The following ITGB5 variants were observed in gnomAD, a reference collection of about 807,000 sequenced individuals.
ITGB5 encodes the protein integrin subunit beta 5.
Under a neutral mutation model 84.8 loss-of-function variants are expected in ITGB5, and 38 were observed. That is an observed-to-expected ratio of 0.45 (90% CI 0.35 to 0.59). The LOEUF (loss-of-function observed/expected upper bound fraction) is 0.59. Among genes scored for constraint, ITGB5 ranks in the 20% least tolerant of loss-of-function variants. The pLI, the probability that ITGB5 is intolerant of heterozygous loss-of-function variation, is 0.01. For missense variants in ITGB5, 905 were observed against 1,034.5 expected, an observed-to-expected ratio of 0.87 and a Z score of 1.72; for synonymous variants, 393 against 414.4, an observed-to-expected ratio of 0.95 and a Z score of 0.63.
rs1003605072 is a variant in ITGB5, at chr3:124,819,715, T to C, written c.1038+24A>G. ...CCACCCACTTCACCCCACAAATCAC[T>C]AGCCTCCCTCCCTCCCAGCATACCT... On this transcript the variant is annotated intron_variant, in intron 7 of 14. Coordinates refer to ENST00000296181, the MANE Select transcript of ITGB5 (RefSeq NM_002213.5). 16 of 1,547,310 alleles carry C rather than the reference T, an allele frequency of 1.0e-5. No individual in the cohort carries two copies. The East Asian group carries it at 3.6e-4, about 35-fold the overall frequency.
chr3:124,766,075 AAG>A (rs1412215074), intron 13 of ITGB5, 149 bp downstream of exon 13: 31 of 791,734 alleles, frequency 3.9e-5, no homozygotes, highest in Admixed American at 1.9e-4. Flanking sequence ...AAAAAAAAAA[AAG>A]AAAAAGAAGA....
chr3:124,779,135 G>T (rs1184943030), intron 10 of ITGB5, among the ~76,000 whole-genome samples: 3 of 152,188 alleles, frequency 2.0e-5, no homozygotes, highest in Admixed American at 6.5e-5. Flanking sequence ...TGCCACTGGA[G>T]TTGACACTCT....
chr3:124,874,322 AAAAAG>A (rs1369546398), intron 1 of ITGB5, among the ~76,000 whole-genome samples: 5 of 151,340 alleles, frequency 3.3e-5, no homozygotes, highest in Non-Finnish European at 7.4e-5. Flanking sequence ...AAAAAAAAAA[AAAAAG>A]AAAGAAAGAA....
At position 124,768,920 on chromosome 3, in the gene ITGB5, C is replaced by G. The variant is rs531944283; in HGVS notation, c.2017+93G>C. Reference sequence around the variant, plus strand: ...GGAGCCCACAGTTATGCCCAGGAAGCCTGGGCAGTGCCTCCTGACTCAAGG... The same window carrying G: ...GGAGCCCACAGTTATGCCCAGGAAGGCTGGGCAGTGCCTCCTGACTCAAGG... On this transcript the variant is annotated intron_variant, in intron 12 of 14. Transcript: ENST00000296181. 6 of 917,122 alleles carry G rather than the reference C, an allele frequency of 6.5e-6. No individual in the cohort carries two copies. The East Asian group carries it at 1.5e-4, about 22-fold the overall frequency. The allele number at this position is 917,122 out of a possible 1,614,324, so 56.8% of individuals were successfully genotyped here.
chr3:124,798,899 A>G (rs1028106802), intron 9 of ITGB5, among the ~76,000 whole-genome samples: 3 of 152,310 alleles, frequency 2.0e-5, no homozygotes, highest in South Asian at 2.1e-4. Context: ...ATCCTGCTCT[A>G]TAAGTCCTGC....
chr3:124,810,469 T>G (rs931213342), intron 8 of ITGB5, among the ~76,000 whole-genome samples: 1 of 152,134 alleles, frequency 6.6e-6, no homozygotes, highest in African/African-American at 2.4e-5. Context: ...ATTGTCCTTG[T>G]GACACATGCC....
At chr3:124,851,470 T>A (rs1416427889) in intron 3 of ITGB5, among the ~76,000 whole-genome samples, 1 of 152,120 alleles carries the variant, frequency 6.6e-6, no homozygotes, top group Admixed American at 6.5e-5. Context: ...CATACAAATT[T>A]AACCCTAAAT....
At chr3:124,856,459 T>G (rs2065223845) in intron 3 of ITGB5, among the ~76,000 whole-genome samples, 1 of 152,174 alleles carries the variant, frequency 6.6e-6, no homozygotes, top group African/African-American at 2.4e-5. Context: ...AAAATGTAAA[T>G]TAAAACCTTC....
At chr3:124,780,492 C>T (rs1025052525) in intron 10 of ITGB5, among the ~76,000 whole-genome samples, 14 of 152,248 alleles carry the variant, frequency 9.2e-5, no homozygotes, top group Non-Finnish European at 1.8e-4. Flanking sequence ...TGCACTGTGG[C>T]TTCCTTGGCT....
chr3:124,886,874 G>T, intron 1 of ITGB5, 57 bp downstream of exon 1: 1 of 1,110,366 alleles, frequency 9.0e-7, no homozygotes, highest in Non-Finnish European at 1.1e-6. Context: ...CGAGACGCCC[G>T]CCCGCGGCTG....
intron 3 of ITGB5, 80 bp downstream of exon 3, chr3:124,859,162 G>T (rs980175758): frequency 6.7e-6 from 9 of 1,349,348 alleles, no homozygotes; most frequent in Non-Finnish European, 9.4e-6. Context: ...CTGACTCATT[G>T]TCCCATTATT....
chr3:124,771,430 G>GCCTT (rs2063842450), intron 11 of ITGB5, among the ~76,000 whole-genome samples: 1 of 152,150 alleles, frequency 6.6e-6, no homozygotes, highest in Non-Finnish European at 1.5e-5. Context: ...GAGACAGAGG[G>GCCTT]TCAGTGTGGC....
At chr3:124,772,800 G>C (rs1391909705) in intron 11 of ITGB5, among the ~76,000 whole-genome samples, 2 of 152,062 alleles carry the variant, frequency 1.3e-5, no homozygotes, top group African/African-American at 2.4e-5. Context: ...TTCAGCAGCA[G>C]CACAGAGCCC....
At chr3:124,797,917 C>T (rs57416699) in intron 9 of ITGB5, among the ~76,000 whole-genome samples, 2,089 of 152,146 alleles carry the variant, frequency 0.014, 37 homozygotes, top group African/African-American at 0.048. Context: ...GCCCACCCCA[C>T]AAACAGACTC....
At chr3:124,787,909 C>CT (rs35730935) in intron 10 of ITGB5, among the ~76,000 whole-genome samples, 5,652 of 137,666 alleles carry the variant, frequency 0.041, 315 homozygotes, top group African/African-American at 0.12. Flanking sequence ...ACAGATAGCT[C>CT]TTTTTTTTTT....
chr3:124,864,893 G>A (rs79401268), intron 2 of ITGB5, among the ~76,000 whole-genome samples: 3,338 of 152,296 alleles, frequency 0.022, 144 homozygotes, highest in African/African-American at 0.076. Flanking sequence ...GCCCTTGACT[G>A]CATCACCTGG....
At chr3:124,769,413 G>A (rs1174828277) in intron 11 of ITGB5, 1 of 303,696 alleles carries the variant, frequency 3.3e-6, no homozygotes, top group African/African-American at 2.2e-5. Context: ...CTAATGCCTG[G>A]TGAGGAGTCT....
At chr3:124,781,670 A>G (rs369823790) in intron 10 of ITGB5, among the ~76,000 whole-genome samples, 2 of 152,328 alleles carry the variant, frequency 1.3e-5, no homozygotes, top group East Asian at 1.9e-4. Context: ...TGTAAACAGC[A>G]TTACCATGCC....
intron 10 of ITGB5, among the ~76,000 whole-genome samples, chr3:124,786,024 A>T (rs1205137129): frequency 6.6e-6 from 1 of 152,172 alleles, no homozygotes; most frequent in East Asian, 1.9e-4. Flanking sequence ...AATCACAAGG[A>T]GCCCTAGTTC....
Sources: allele counts gnomAD v4.1 joint callset (sites outside exome capture counted in the v4.1 genomes callset), GRCh38; gene constraint gnomAD v4.1.1; transcripts MANE v1.5; gene names NCBI Gene and HGNC (gene_info 2026-07-23, HGNC 2026-07-21).